Variants in DAB1 observed in about 807,000 individuals in gnomAD.
DAB1 encodes DAB adaptor protein 1.
In DAB1, 15 loss-of-function variants were observed where a neutral mutation model predicts 64.6. That is an observed-to-expected ratio of 0.23 (90% CI 0.16 to 0.36). The LOEUF (loss-of-function observed/expected upper bound fraction) is 0.36, where lower values mean the gene tolerates loss of function less well. Ranked by LOEUF, DAB1 falls within the 10% of genes least tolerant of loss-of-function variation. DAB1 has a pLI of 1.00. For synonymous variants in DAB1, 235 were observed against 251.9 expected (o/e 0.93, Z 0.64); for missense variants, 596 against 706.7 (o/e 0.84, Z 1.78).
chr1:57,233,255 C>CTTTTTTTTTTT lies in DAB1; in HGVS notation c.67+57698_67+57708dup, dbSNP rs1186221366. Among the ~76,000 whole-genome samples the CTTTTTTTTTTT allele has an allele frequency of 1.3e-3, 78 of 60,808 alleles. 10 individuals carry two copies. The highest frequency in any genetic ancestry group is 2.8e-3 in the East Asian group (4 of 1,438). 39.9% of individuals were successfully genotyped at this position (60,808 alleles called of 152,430 possible). ...TGCAGCTTCAAGCTTTGCTCCGATT[C>CTTTTTTTTTTT]TTTTTTTTTTTTTTTTTTTTTTTTT... On this transcript the variant is annotated intron_variant, in intron 2 of 14. Coordinates refer to ENST00000371236, the MANE Select transcript of DAB1 (RefSeq NM_001365792.1).
intron 5 of DAB1, among the ~76,000 whole-genome samples, chr1:58,114,655 T>G (rs1236841530): frequency 6.6e-6 from 1 of 152,228 alleles, no homozygotes; most frequent in Non-Finnish European, 1.5e-5. Flanking sequence ...CAACAGAGAC[T>G]ATAAAGCCAC....
intron 4 of DAB1, among the ~76,000 whole-genome samples, chr1:58,331,081 A>G (rs963245277): frequency 8.5e-5 from 13 of 152,238 alleles, no homozygotes; most frequent in African/African-American, 2.7e-4. Flanking sequence ...CCTGTTCTAG[A>G]TGCCATTAAC....
chr1:57,892,974 T>C (rs550488616), intron 5 of DAB1, among the ~76,000 whole-genome samples: 2 of 151,218 alleles, frequency 1.3e-5, no homozygotes, highest in Admixed American at 1.3e-4. Context: ...TGTTAAAACA[T>C]GATTGCTGGG....
chr1:57,476,178 G>T (rs1448229737), intron 7 of DAB1, among the ~76,000 whole-genome samples: 1 of 148,786 alleles, frequency 6.7e-6, no homozygotes, highest in Non-Finnish European at 1.5e-5. Flanking sequence ...GTGAGCCGAG[G>T]TCACGCCACT....
chr1:57,319,445 G>A (rs924848), intron 1 of DAB1, among the ~76,000 whole-genome samples: 37,320 of 152,044 alleles, frequency 0.25, 5,789 homozygotes, highest in Non-Finnish European at 0.36. Flanking sequence ...AAGGAAAGAC[G>A]CCTGTTTAGG....
intron 3 of DAB1, among the ~76,000 whole-genome samples, chr1:58,415,725 A>G (rs746796302): frequency 6.6e-6 from 1 of 152,210 alleles, no homozygotes; most frequent in Non-Finnish European, 1.5e-5. Flanking sequence ...CACTAGGATC[A>G]CAGCACTGAA....
chr1:58,044,344 C>A (rs1157320138), intron 5 of DAB1, among the ~76,000 whole-genome samples: 1 of 151,962 alleles, frequency 6.6e-6, no homozygotes, highest in African/African-American at 2.4e-5. Context: ...GTGGTACCAC[C>A]TTTTTTCCCT....
intron 4 of DAB1, among the ~76,000 whole-genome samples, chr1:58,201,411 G>T (rs1657989835): frequency 6.6e-6 from 1 of 152,130 alleles, no homozygotes; most frequent in African/African-American, 2.4e-5. Flanking sequence ...CTAAGTTTTT[G>T]CCTCTGCTTT....
intron 5 of DAB1, among the ~76,000 whole-genome samples, chr1:58,013,885 CTTTTTTTCTT>C (rs1286292281): frequency 5.2e-5 from 1 of 19,128 alleles, no homozygotes; most frequent in East Asian, 4.3e-3. Flanking sequence ...TCTTCCTTTT[CTTTTTTTCTT>C]TTTTTTTTTT....
intron 4 of DAB1, among the ~76,000 whole-genome samples, chr1:57,109,037 T>C (rs1029956347): frequency 1.3e-5 from 2 of 152,202 alleles, no homozygotes; most frequent in African/African-American, 4.8e-5. Flanking sequence ...GCTTAGTAAC[T>C]GGGACTTCCA....
In DAB1 at chr1:57,382,401, C is replaced by G. The variant is rs112572121; in HGVS notation, c.-137+41529G>C. 2.0e-3 allele frequency among the ~76,000 whole-genome samples: 297 copies of G among 152,256 alleles called. 2 individuals carry two copies. The highest frequency in any genetic ancestry group is 6.8e-3 in the African/African-American group (281 of 41,558). On this transcript the variant is annotated intron_variant, in intron 1 of 14. Coordinates refer to ENST00000371236, the MANE Select transcript of DAB1 (RefSeq NM_001365792.1). ...CATTTATCCATTCATTCTCAACAAACGTTTATTGAGTGCTGTATTAGTTTT... is the reference window on the plus strand; with the variant it reads ...CATTTATCCATTCATTCTCAACAAAGGTTTATTGAGTGCTGTATTAGTTTT...
intron 2 of DAB1, among the ~76,000 whole-genome samples, chr1:57,219,152 A>C (rs1666667195): frequency 6.6e-6 from 1 of 152,208 alleles, no homozygotes; most frequent in Non-Finnish European, 1.5e-5. Context: ...ATTAAAAATA[A>C]ATACCTTACA....
intron 6 of DAB1, among the ~76,000 whole-genome samples, chr1:57,710,094 A>G (rs1013688557): frequency 6.6e-6 from 1 of 152,056 alleles, no homozygotes; most frequent in East Asian, 1.9e-4. Context: ...TCTAGCTCCT[A>G]TATCTATATC....
intron 7 of DAB1, among the ~76,000 whole-genome samples, chr1:57,442,079 A>T (rs1282802609): frequency 1.3e-5 from 2 of 152,120 alleles, no homozygotes; most frequent in Non-Finnish European, 2.9e-5. Context: ...GCTCATTTCT[A>T]ATCTTAGTTC....
At chr1:57,123,582 G>A (rs1656862753) in intron 4 of DAB1, among the ~76,000 whole-genome samples, 1 of 152,072 alleles carries the variant, frequency 6.6e-6, no homozygotes, top group African/African-American at 2.4e-5. Context: ...ATCCACACAT[G>A]TTGACCTAGT....
At chr1:57,597,546 C>T (rs1357131376) in intron 7 of DAB1, among the ~76,000 whole-genome samples, 2 of 152,176 alleles carry the variant, frequency 1.3e-5, no homozygotes, top group African/African-American at 2.4e-5. Flanking sequence ...CACAAGGCTA[C>T]GAAGTTAGAA....
intron 8 of DAB1, among the ~76,000 whole-genome samples, chr1:57,069,060 A>G (rs1014052748): frequency 1.3e-4 from 20 of 152,222 alleles, no homozygotes; most frequent in African/African-American, 9.6e-5. Flanking sequence ...CCCTAATTGT[A>G]TAATGGACAC....
intron 4 of DAB1, among the ~76,000 whole-genome samples, chr1:58,317,944 C>A (rs1287820832): frequency 6.6e-6 from 1 of 152,182 alleles, no homozygotes; most frequent in African/African-American, 2.4e-5. Context: ...AGGGACTGTG[C>A]TTTGTGTCTC....
intron 9 of DAB1, among the ~76,000 whole-genome samples, chr1:57,027,747 A>G (rs914645392): frequency 6.6e-6 from 1 of 152,182 alleles, no homozygotes; most frequent in Non-Finnish European, 1.5e-5. Flanking sequence ...TGCTGAAAGG[A>G]GACAAGCTTG....
Sources: allele counts gnomAD v4.1 joint callset (sites outside exome capture counted in the v4.1 genomes callset), GRCh38; gene constraint gnomAD v4.1.1; transcripts MANE v1.5; gene names NCBI Gene and HGNC (gene_info 2026-07-23, HGNC 2026-07-21).